The following TSNARE1 variants were observed in gnomAD, a reference collection of about 807,000 sequenced individuals.
TSNARE1 encodes t-SNARE domain-containing protein 1.
In TSNARE1, 49 loss-of-function variants were observed where a neutral mutation model predicts 62.0. The observed-to-expected ratio is 0.79, with a 90% CI of 0.63 to 1.00. The LOEUF (loss-of-function observed/expected upper bound fraction) is 1.00, where lower values mean the gene tolerates loss of function less well. Among genes scored for constraint, TSNARE1 ranks in the 50% least tolerant of loss-of-function variants. TSNARE1 has a pLI of 0.00. For synonymous variants in TSNARE1, 328 were observed against 294.4 expected (o/e 1.11, Z -1.17); for missense variants, 755 against 700.1 (o/e 1.08, Z -0.88).
intron 10 of TSNARE1, among the ~76,000 whole-genome samples, chr8:142,295,498 C>CT (rs1293216472): frequency 6.6e-6 from 1 of 152,224 alleles, no homozygotes; most frequent in Admixed American, 6.5e-5. Flanking sequence ...AGAGTCCCAG[C>CT]ACCATGGAGA....
intron 13 of TSNARE1, among the ~76,000 whole-genome samples, chr8:142,212,523 C>G (rs540276788): frequency 6.6e-6 from 1 of 152,040 alleles, no homozygotes; most frequent in Non-Finnish European, 1.5e-5. Flanking sequence ...ACGCAGGCCT[C>G]GGTCACCCAT....
chr8:142,318,702 G>A (rs956259566), intron 6 of TSNARE1, 68 bp from the exon 7 acceptor site: 2 of 1,532,174 alleles, frequency 1.3e-6, no homozygotes, highest in South Asian at 1.1e-5. Flanking sequence ...GGGCCCAGAA[G>A]GACGGAGCAA....
intron 1 of TSNARE1, among the ~76,000 whole-genome samples, chr8:142,362,787 TC>T (rs1835259528): frequency 6.6e-6 from 1 of 152,174 alleles, no homozygotes; most frequent in Admixed American, 6.5e-5. Flanking sequence ...AAGTCCCAGC[TC>T]AACCTCTAGC....
chr8:142,273,748 T>C (rs1445759183), intron 12 of TSNARE1: 20 of 985,302 alleles, frequency 2.0e-5, no homozygotes, highest in African/African-American at 3.5e-5. Flanking sequence ...AAGGCAGCCC[T>C]GGCCTTTCCC....
chr8:142,285,245 T>G (rs1191150518), intron 10 of TSNARE1, among the ~76,000 whole-genome samples: 1 of 137,102 alleles, frequency 7.3e-6, no homozygotes, highest in Non-Finnish European at 1.6e-5. Flanking sequence ...GATGGGTAGA[T>G]GGATGGATGC....
At chr8:142,304,221 T>C (rs1382163015) in intron 9 of TSNARE1, among the ~76,000 whole-genome samples, 1 of 152,258 alleles carries the variant, frequency 6.6e-6, no homozygotes, top group Non-Finnish European at 1.5e-5. Context: ...AAGTGAGCAG[T>C]GCCTGGCGGT....
chr8:142,404,099 C>CT (rs1274133224), upstream of TSNARE1: 3 of 151,764 alleles, frequency 2.0e-5, no homozygotes, highest in Non-Finnish European at 4.4e-5. Context: ...CGCCCTCACT[C>CT]TGTGATGCTT....
In TSNARE1 at chr8:142,344,303, C is replaced by T; in HGVS notation, c.408G>A (p.Leu136=). Residue 136 remains leucine, a synonymous_variant, in exon 4 of 14, where the codon CTG becomes CTA. Transcript: ENST00000524325. ...GGTGGTGCTTGCTCACCTTGGACACCAGCACCTCGGTCTCCTGCGGGCAGA... is the reference window on the plus strand; with the variant it reads ...GGTGGTGCTTGCTCACCTTGGACACTAGCACCTCGGTCTCCTGCGGGCAGA... The part of the protein sequence containing the change: ...PNFCPQETEV[L]VSKVSKHHQL... 1 of 1,596,428 alleles carries T rather than the reference C, an allele frequency of 6.3e-7. No homozygotes were observed. The highest frequency in any genetic ancestry group is 1.1e-5 in the South Asian group (1 of 89,706).
chr8:142,363,774 G>T lies in TSNARE1; in HGVS notation c.-39-9011C>A, dbSNP rs1399589947. Among the ~76,000 whole-genome samples the T allele has an allele frequency of 2.0e-5, 3 of 152,130 alleles. No homozygotes were observed. In the East Asian group the frequency reaches 5.8e-4, roughly 29 times the overall value. On this transcript the variant is annotated intron_variant, in intron 1 of 13. Coordinates refer to ENST00000524325, the MANE Select transcript of TSNARE1 (RefSeq NM_145003.5). Reference sequence around the variant, plus strand: ...TCCCACCCATGAATGTGCCCTCAGGGTGCTTTGGAAGTCAACCGACCCAGA... The same window carrying T: ...TCCCACCCATGAATGTGCCCTCAGGTTGCTTTGGAAGTCAACCGACCCAGA...
In TSNARE1 at chr8:142,288,533, C is replaced by A. The variant is rs535308488; in HGVS notation, c.1291-4048G>T. Among the ~76,000 whole-genome samples the A allele has an allele frequency of 3.3e-5, 5 of 152,362 alleles. No homozygotes were observed. The East Asian group carries it at 9.7e-4, about 29-fold the overall frequency. On this transcript the variant is annotated intron_variant, in intron 10 of 13. Coordinates refer to ENST00000524325, the MANE Select transcript of TSNARE1 (RefSeq NM_145003.5). ...TCACAGATAGCTTGCTCCTCCAAGGCCCCGGGTCCTCCTGGGCAGAAGGGT... is the reference window on the plus strand; with the variant it reads ...TCACAGATAGCTTGCTCCTCCAAGGACCCGGGTCCTCCTGGGCAGAAGGGT...
intron 10 of TSNARE1, among the ~76,000 whole-genome samples, chr8:142,296,845 C>A (rs955909976): frequency 1.3e-5 from 2 of 152,084 alleles, no homozygotes; most frequent in African/African-American, 4.8e-5. Context: ...CCTCAGAATC[C>A]GACTGCACCA....
At chr8:142,395,957 G>A (rs1837862394) in intron 1 of TSNARE1, among the ~76,000 whole-genome samples, 1 of 152,170 alleles carries the variant, frequency 6.6e-6, no homozygotes, top group Non-Finnish European at 1.5e-5. Context: ...CCAGATGGAG[G>A]GCAGCCAAGG....
chr8:142,290,923 G>GT (rs1463215120), intron 10 of TSNARE1, among the ~76,000 whole-genome samples: 1 of 152,218 alleles, frequency 6.6e-6, no homozygotes, highest in Non-Finnish European at 1.5e-5. Context: ...GGCTTGGCGA[G>GT]GGAAGCCCAG....
Position 142,229,515 on chromosome 8 carries a change from A to C in TSNARE1, c.1511T>G (p.Ile504Ser), listed in dbSNP as rs747776742. 1 of 1,614,100 alleles carries C rather than the reference A, an allele frequency of 6.2e-7. No homozygotes were observed. Among genetic ancestry groups the C allele is most frequent in the Non-Finnish European group, 8.5e-7 (1 of 1,179,994 alleles). The change falls in exon 13 of 14, where the codon ATC (isoleucine) becomes AGC (serine). Residue 504 changes from isoleucine to serine, a missense_variant. Transcript: ENST00000524325. ...TCGGACAGAGGTGGCGATGATGATG[A>C]TGATGACAAGCAGGGCAGTGACTCC... ...SAGVTALLVI[I>S]IIIATSVRK
chr8:142,263,900 C>T (rs1273437434), intron 12 of TSNARE1, among the ~76,000 whole-genome samples: 1 of 152,196 alleles, frequency 6.6e-6, no homozygotes, highest in East Asian at 1.9e-4. Flanking sequence ...TAGCGCCTTC[C>T]ATTAAAATTT....
chr8:142,376,739 T>C (rs1836373779), intron 1 of TSNARE1, among the ~76,000 whole-genome samples: 1 of 151,988 alleles, frequency 6.6e-6, no homozygotes, highest in Admixed American at 6.6e-5. Context: ...GACACGGGAC[T>C]CCCAGGGCCC....
At chr8:142,309,750 G>C (rs544054412) in intron 9 of TSNARE1, among the ~76,000 whole-genome samples, 195 of 152,204 alleles carry the variant, frequency 1.3e-3, no homozygotes, top group Non-Finnish European at 2.1e-3. Context: ...TCAAGGTACT[G>C]GGGCCTCATG....
chr8:142,345,301 G>A (rs777611355), intron 3 of TSNARE1, among the ~76,000 whole-genome samples: 1 of 152,206 alleles, frequency 6.6e-6, no homozygotes, highest in African/African-American at 2.4e-5. Flanking sequence ...TGTCCCAGAA[G>A]GACCTGGAAG....
intron 10 of TSNARE1, among the ~76,000 whole-genome samples, chr8:142,298,998 C>T (rs922955839): frequency 6.6e-6 from 1 of 152,236 alleles, no homozygotes; most frequent in Admixed American, 6.5e-5. Context: ...AGGGCTCGTT[C>T]AGCCCCAGAG....
Sources: allele counts gnomAD v4.1 joint callset (sites outside exome capture counted in the v4.1 genomes callset), GRCh38; gene constraint gnomAD v4.1.1; transcripts MANE v1.5; gene names NCBI Gene and HGNC (gene_info 2026-07-23, HGNC 2026-07-21).